ABHD12: variants seen among roughly 807,000 people sequenced by gnomAD.
The protein encoded by ABHD12 is lysophosphatidylserine lipase ABHD12.
In ABHD12, 43 loss-of-function variants were observed where a neutral mutation model predicts 58.3. The observed-to-expected ratio is 0.74, with a 90% CI of 0.58 to 0.95. ABHD12 has a LOEUF of 0.95. ABHD12 is among the 40% of genes least tolerant of loss of function. The pLI, the probability that ABHD12 is intolerant of heterozygous loss-of-function variation, is 0.00. For missense variants in ABHD12, 539 were observed against 537.2 expected (o/e 1.00, Z -0.03); for synonymous variants, 219 against 211.2 (o/e 1.04, Z -0.32).
chr20:25,365,476 A>G (rs560431453), intron 1 of ABHD12, among the ~76,000 whole-genome samples: 1 of 152,354 alleles, frequency 6.6e-6, no homozygotes, highest in East Asian at 1.9e-4. Context: ...AACATAGGTT[A>G]TTAAGCCAGT....
intron 1 of ABHD12, among the ~76,000 whole-genome samples, chr20:25,388,405 G>C (rs1241357596): frequency 3.3e-5 from 5 of 152,180 alleles, no homozygotes; most frequent in Non-Finnish European, 5.9e-5. Context: ...TTCTGGTTGC[G>C]GGGGAGGCAC....
At chr20:25,387,669 G>A (rs938983461) in intron 1 of ABHD12, among the ~76,000 whole-genome samples, 5 of 151,342 alleles carry the variant, frequency 3.3e-5, no homozygotes, top group African/African-American at 1.2e-4. Context: ...GAGCCCAGGA[G>A]GTCTGGGCTG....
chr20:25,359,297 G>A (rs1422506355), intron 1 of ABHD12, among the ~76,000 whole-genome samples: 4 of 150,064 alleles, frequency 2.7e-5, no homozygotes, highest in Non-Finnish European at 4.4e-5. Flanking sequence ...GATGGCGGGC[G>A]CCTGTAGTCC....
Position 25,320,182 on chromosome 20 carries a change from G to T in ABHD12, c.542+17C>A. 1 of 1,613,462 alleles carries T rather than the reference G, an allele frequency of 6.2e-7. No homozygotes were observed. ...AGCCATGCTCCACAGCAAAGATGAT[G>T]GGCTCCTCTCCCTCACCTGGTACCT... On this transcript the variant is annotated intron_variant, in intron 4 of 12. Coordinates refer to ENST00000339157, the MANE Select transcript of ABHD12 (RefSeq NM_001042472.3).
chr20:25,385,828 G>A (rs1003089011), intron 1 of ABHD12, among the ~76,000 whole-genome samples: 2 of 152,120 alleles, frequency 1.3e-5, no homozygotes, highest in African/African-American at 4.8e-5. Flanking sequence ...GCCGGGTGCG[G>A]TGGCTGACAC....
At chr20:25,308,569 G>C in intron 7 of ABHD12, 75 bp from the exon 8 acceptor site, 1 of 1,518,046 alleles carries the variant, frequency 6.6e-7, no homozygotes, top group South Asian at 1.2e-5. Context: ...ATGCTGGAAA[G>C]TGCTCAGAGG....
rs2088929838 is a variant in ABHD12, at chr20:25,314,842, C to G, written c.619+83G>C. 6.7e-6 allele frequency: 10 copies of G among 1,492,694 alleles called. No homozygotes were observed. The South Asian group carries it at 1.1e-4, about 17-fold the overall frequency. 92.5% of individuals were successfully genotyped at this position (1,492,694 alleles called of 1,614,324 possible). On this transcript the variant is annotated intron_variant, in intron 6 of 12. Coordinates refer to ENST00000339157, the MANE Select transcript of ABHD12 (RefSeq NM_001042472.3). Reference sequence around the variant, plus strand: ...AAGCAGGCGCTGGCCTTGCTCCGAGCCTCTTCGAGTGAGGCCTGCCCATGG... The same window carrying G: ...AAGCAGGCGCTGGCCTTGCTCCGAGGCTCTTCGAGTGAGGCCTGCCCATGG...
intron 3 of ABHD12, among the ~76,000 whole-genome samples, chr20:25,322,034 C>T (rs979779405): frequency 2.6e-5 from 4 of 152,078 alleles, no homozygotes; most frequent in Non-Finnish European, 4.4e-5. Flanking sequence ...CAGTGGAAAG[C>T]GACGTTATGG....
intron 1 of ABHD12, among the ~76,000 whole-genome samples, chr20:25,353,104 A>C (rs990971176): frequency 6.6e-6 from 1 of 152,228 alleles, no homozygotes; most frequent in African/African-American, 2.4e-5. Context: ...ATTATGAAGG[A>C]CACATACAAA....
intron 10 of ABHD12, 111 bp from the exon 11 acceptor site, chr20:25,303,739 A>T: frequency 1.4e-6 from 2 of 1,457,022 alleles, no homozygotes; most frequent in Non-Finnish European, 9.4e-7. Context: ...AAACAGCCTG[A>T]TTTCTGCTGG....
chr20:25,360,185 G>GCAATTCTT (rs1311169808), intron 1 of ABHD12, among the ~76,000 whole-genome samples: 4 of 134,602 alleles, frequency 3.0e-5, no homozygotes, highest in Non-Finnish European at 6.2e-5. Context: ...AGTTACCCAA[G>GCAATTCTT]CAATTCTTCA....
At chr20:25,390,382 G>C (rs937232415) in intron 1 of ABHD12, 131 bp downstream of exon 1, 41 of 932,578 alleles carry the variant, frequency 4.4e-5, no homozygotes, top group African/African-American at 2.6e-4. Context: ...AGGCGCGGAC[G>C]GGGGCGGCCG....
chr20:25,350,808 T>G (rs1414959736), intron 1 of ABHD12, among the ~76,000 whole-genome samples: 1 of 152,166 alleles, frequency 6.6e-6, no homozygotes, highest in African/African-American at 2.4e-5. Context: ...TTCCCTTACC[T>G]GACTAGAGCA....
chr20:25,299,959 T>G (rs1335832479), downstream of ABHD12, among the ~76,000 whole-genome samples: 1 of 151,860 alleles, frequency 6.6e-6, no homozygotes, highest in Non-Finnish European at 1.5e-5. Flanking sequence ...AGTGAAGGAG[T>G]GTAACCGCGA....
In ABHD12 at chr20:25,301,008, T is replaced by A. The variant is rs1600757492; in HGVS notation, c.1158-124A>T. The A allele has an allele frequency of 5.0e-6, 5 of 1,005,124 alleles. No individual in the cohort carries two copies. The East Asian group carries it at 1.0e-4, about 21-fold the overall frequency. 62.3% of individuals were successfully genotyped at this position (1,005,124 alleles called of 1,614,324 possible). A position where few individuals can be genotyped will look rare whatever the true frequency, so the allele number is the denominator to read the frequency against. ...AGAGAGGAGGCAGCCAAGAGCCCCA[T>A]GAGGATGCGCTGTAGCCCAGAGCAG... is the stretch of plus-strand genomic sequence containing the variant. On this transcript the variant is annotated intron_variant, in intron 12 of 12. Transcript: ENST00000339157.
exon 13 of ABHD12, chr20:25,294,771 T>A: frequency 3.0e-6 from 2 of 671,542 alleles, no homozygotes; most frequent in Non-Finnish European, 5.4e-6. Context: ...AGTGTTTTAT[T>A]TCAGTGCAGT....
At chr20:25,296,293 A>G (rs1354619413), downstream of ABHD12, 3 of 1,556,310 alleles carry the variant, frequency 1.9e-6, no homozygotes, top group Middle Eastern at 1.7e-4. Context: ...AAACAGTCCT[A>G]AAGTTCTGGA....
chr20:25,374,760 A>G (rs564189557), intron 1 of ABHD12, among the ~76,000 whole-genome samples: 2 of 152,250 alleles, frequency 1.3e-5, no homozygotes, highest in South Asian at 4.1e-4. Context: ...TCGGCCTCCC[A>G]AAGTGCTGGG....
chr20:25,390,585 A>C lies in ABHD12; in HGVS notation c.119T>G (p.Leu40Arg). Residue 40 changes from leucine (L) to arginine (R), a missense_variant, in exon 1 of 13, where the codon CTA becomes CGA. Physicochemically the swap from Leu to Arg is moderately radical, Grantham distance 102 (BLOSUM62 -2). Coordinates refer to ENST00000339157, the MANE Select transcript of ABHD12 (RefSeq NM_001042472.3). ...AGCCGCCGCCGGGCCCGTCAGGCGT[A>C]GGTTCTGCTTCAGGCGGCAGTCGGC... ...LDADCRLKQN[L>R]RLTGPAAAEP... is the part of the protein sequence containing the mutation. 6.8e-7 allele frequency: 1 copy of C among 1,475,048 alleles called. No individual in the cohort carries two copies. Among genetic ancestry groups the C allele is most frequent in the South Asian group, 1.3e-5 (1 of 79,112 alleles). 91.4% of individuals were successfully genotyped at this position (1,475,048 alleles called of 1,614,324 possible). A position where few individuals can be genotyped will look rare whatever the true frequency, so the allele number is the denominator to read the frequency against.
Sources: gnomAD v4.1 joint callset for allele counts (sites outside exome capture counted in the v4.1 genomes callset) on GRCh38, gnomAD v4.1.1 for gene constraint, MANE v1.5 for transcripts, NCBI Gene and HGNC (gene_info 2026-07-23, HGNC 2026-07-21) for gene names.